Variants in AGBL1 observed in about 807,000 individuals in gnomAD.
AGBL1 encodes AGBL carboxypeptidase 1, also known as cytosolic carboxypeptidase 4.
Under a neutral mutation model 118.9 loss-of-function variants are expected in AGBL1, and 130 were observed. The ratio of observed to expected loss-of-function variants is 1.09; its 90% CI spans 0.95 to 1.26. The LOEUF (loss-of-function observed/expected upper bound fraction) is 1.26, where lower values mean the gene tolerates loss of function less well. Among genes scored for constraint, AGBL1 ranks in the 50% most tolerant of loss-of-function variants. AGBL1 has a pLI of 0.00. For synonymous variants in AGBL1, 555 were observed against 478.9 expected, an observed-to-expected ratio of 1.16 and a Z score of -2.08; for missense variants, 1,584 against 1,298.1, an observed-to-expected ratio of 1.22 and a Z score of -3.38.
At chr15:86,568,730 G>C (rs1280785252) in intron 21 of AGBL1, among the ~76,000 whole-genome samples, 1 of 152,174 alleles carries the variant, frequency 6.6e-6, no homozygotes, top group Non-Finnish European at 1.5e-5. Context: ...ATTTTAACCA[G>C]ATCTCCAGGT....
Position 86,516,131 on chromosome 15 carries a change from T to C in AGBL1, c.2556-6679T>C, listed in dbSNP as rs551244461. ...AACTAGAGGAGTAGTCACTTATGCC[T>C]GAGTCTGGCTTAGTGAAACAACAGG... On this transcript the variant is annotated intron_variant, in intron 18 of 22. Transcript: ENST00000614907. Among the ~76,000 whole-genome samples the C allele has an allele frequency of 2.3e-3, 356 of 152,318 alleles. 2 individuals carry two copies. The highest frequency in any genetic ancestry group is 8.1e-3 in the African/African-American group (338 of 41,566).
intron 17 of AGBL1, among the ~76,000 whole-genome samples, chr15:86,328,569 A>T (rs1483173337): frequency 6.6e-6 from 1 of 152,176 alleles, no homozygotes; most frequent in Non-Finnish European, 1.5e-5. Context: ...AAGAGGAAAA[A>T]CAGGAATCCA....
At chr15:86,640,160 T>G (rs1337205146) in intron 21 of AGBL1, among the ~76,000 whole-genome samples, 3 of 152,174 alleles carry the variant, frequency 2.0e-5, no homozygotes, top group Admixed American at 6.6e-5. Flanking sequence ...AAATAGGCTT[T>G]TTCCTAGATG....
intron 5 of AGBL1, among the ~76,000 whole-genome samples, chr15:86,224,566 A>G (rs2078329346): frequency 6.6e-6 from 1 of 152,076 alleles, no homozygotes. Context: ...GTTTCCAGAA[A>G]CAAACAAATC....
At chr15:86,812,912 T>C (rs1344949212) in intron 22 of AGBL1, among the ~76,000 whole-genome samples, 1 of 152,060 alleles carries the variant, frequency 6.6e-6, no homozygotes, top group African/African-American at 2.4e-5. Context: ...TATGCCAAAG[T>C]CCATGTTAAA....
At chr15:86,244,840 C>T (rs116670143) in intron 6 of AGBL1, among the ~76,000 whole-genome samples, 2,673 of 152,232 alleles carry the variant, frequency 0.018, 69 homozygotes, top group African/African-American at 0.06. Flanking sequence ...TAATACCTCC[C>T]ACTTAATTCT....
chr15:86,809,049 A>G (rs939145256), intron 22 of AGBL1, among the ~76,000 whole-genome samples: 1 of 152,026 alleles, frequency 6.6e-6, no homozygotes, highest in Non-Finnish European at 1.5e-5. Context: ...ATGAATATCT[A>G]AAAAAAGGAG....
chr15:86,371,209 A>G (rs192873413), intron 17 of AGBL1, among the ~76,000 whole-genome samples: 1 of 152,240 alleles, frequency 6.6e-6, no homozygotes, highest in East Asian at 1.9e-4. Context: ...GTGTTTTTTT[A>G]AAAAATTAAG....
At chr15:86,927,267 A>G in intron 23 of AGBL1, among the ~76,000 whole-genome samples, 1 of 152,166 alleles carries the variant, frequency 6.6e-6, no homozygotes, top group East Asian at 1.9e-4. Flanking sequence ...CTTATGCCTC[A>G]AAGTAGCTCA....
intron 22 of AGBL1, among the ~76,000 whole-genome samples, chr15:86,819,777 A>T (rs1332577140): frequency 1.3e-5 from 2 of 152,188 alleles, no homozygotes; most frequent in Non-Finnish European, 2.9e-5. Flanking sequence ...TCTTCACAGA[A>T]TTAGAAACAA....
chr15:86,441,936 T>A (rs1338662724), intron 18 of AGBL1, among the ~76,000 whole-genome samples: 1 of 152,208 alleles, frequency 6.6e-6, no homozygotes, highest in African/African-American at 2.4e-5. Context: ...AAAGTTAAGG[T>A]CATGCTTGAA....
chr15:86,459,247 C>T (rs1263187517), intron 18 of AGBL1, among the ~76,000 whole-genome samples: 1 of 152,146 alleles, frequency 6.6e-6, no homozygotes, highest in Non-Finnish European at 1.5e-5. Context: ...ATAGAACTTG[C>T]TGCCAATGTG....
intron 6 of AGBL1, among the ~76,000 whole-genome samples, chr15:86,226,077 C>T (rs1325357559): frequency 6.6e-6 from 1 of 152,062 alleles, no homozygotes; most frequent in African/African-American, 2.4e-5. Flanking sequence ...GCTTAAAGAC[C>T]TGCAGGTAGA....
At chr15:86,095,745 A>C (rs1896338305) in intron 1 of AGBL1, among the ~76,000 whole-genome samples, 1 of 134,854 alleles carries the variant, frequency 7.4e-6, no homozygotes, top group Non-Finnish European at 1.5e-5. Flanking sequence ...GGTTGGGGGG[A>C]TAATTGCCTC....
intron 21 of AGBL1, among the ~76,000 whole-genome samples, chr15:86,605,000 G>C (rs1220500978): frequency 6.6e-6 from 1 of 151,896 alleles, no homozygotes; most frequent in Non-Finnish European, 1.5e-5. Flanking sequence ...TCTCCATGTT[G>C]GTCAGGCTGG....
At chr15:86,388,591 A>G (rs2081231194) in intron 17 of AGBL1, among the ~76,000 whole-genome samples, 1 of 152,166 alleles carries the variant, frequency 6.6e-6, no homozygotes, top group Non-Finnish European at 1.5e-5. Flanking sequence ...ATCTCAAACC[A>G]AAGTCTTCCA....
intron 21 of AGBL1, among the ~76,000 whole-genome samples, chr15:86,574,872 C>G (rs1335621215): frequency 1.3e-5 from 2 of 151,924 alleles, no homozygotes; most frequent in Non-Finnish European, 2.9e-5. Context: ...GCCACTGCAC[C>G]TGGCCCTAAT....
chr15:86,334,946 G>A (rs1314746839), intron 17 of AGBL1, among the ~76,000 whole-genome samples: 2 of 152,058 alleles, frequency 1.3e-5, no homozygotes, highest in African/African-American at 2.4e-5. Context: ...AAAAATAAAG[G>A]CATTTTTTAG....
chr15:86,716,941 T>C (rs565323121), intron 22 of AGBL1, among the ~76,000 whole-genome samples: 106 of 152,358 alleles, frequency 7.0e-4, no homozygotes, highest in African/African-American at 2.5e-3. Context: ...TATCATTCTA[T>C]GCTTCAGAAG....
Sources: gnomAD v4.1 joint callset for allele counts (sites outside exome capture counted in the v4.1 genomes callset) on GRCh38, gnomAD v4.1.1 for gene constraint, MANE v1.5 for transcripts, NCBI Gene and HGNC (gene_info 2026-07-23, HGNC 2026-07-21) for gene names.